RIF1: variants seen among roughly 807,000 people sequenced by gnomAD.
RIF1 encodes replication timing regulatory factor 1, also known as telomere-associated protein RIF1.
Under a neutral mutation model 247.1 loss-of-function variants are expected in RIF1, and 45 were observed. The observed-to-expected ratio is 0.18, with a 90% CI of 0.14 to 0.23. The LOEUF is 0.23. Ranked by LOEUF, RIF1 falls within the 10% of genes least tolerant of loss-of-function variation. RIF1 has a pLI of 1.00. For synonymous variants in RIF1, 1,087 were observed against 978.8 expected (o/e 1.11, Z -2.06); for missense variants, 2,967 against 2,862.5 (o/e 1.04, Z -0.83).
downstream of RIF1, among the ~76,000 whole-genome samples, chr2:151,509,620 T>TG (rs2072395144): frequency 6.6e-6 from 1 of 152,126 alleles, no homozygotes; most frequent in Non-Finnish European, 1.5e-5. Flanking sequence ...GAGGTTTTTT[T>TG]TTTGTTTGTT....
chr2:151,414,857 G>C lies in RIF1; in HGVS notation c.218G>C (p.Ser73Thr). 1 of 1,613,412 alleles carries C rather than the reference G, an allele frequency of 6.2e-7. No individual in the cohort carries two copies. The highest frequency in any genetic ancestry group is 8.5e-7 in the Non-Finnish European group (1 of 1,179,692). Residue 73 changes from serine to threonine, a missense_variant, in exon 4 of 36, where the codon AGT becomes ACT. Physicochemically the swap from Ser to Thr is moderately conservative, Grantham distance 58. This residue lies in a region of RIF1 where 269 missense variants were observed against 288.6 expected (regional missense o/e 0.93). Transcript: ENST00000444746. ...HISSQNSELS[S>T]AALQALGFCL... Reference sequence around the variant, plus strand: ...TCCAGTCAAAACTCGGAGCTGAGTAGTGCTGCTCTACAAGCCCTGGGGTTT... The same window carrying C: ...TCCAGTCAAAACTCGGAGCTGAGTACTGCTGCTCTACAAGCCCTGGGGTTT...
chr2:151,412,882 GTCA>G (rs890714250), intron 3 of RIF1, among the ~76,000 whole-genome samples: 4 of 152,076 alleles, frequency 2.6e-5, no homozygotes, highest in South Asian at 2.1e-4. Context: ...TGGTGTCACA[GTCA>G]TCAACATTTT....
At position 151,465,006 on chromosome 2, in the gene RIF1, C is replaced by G. The variant is rs1465990676; in HGVS notation, c.5486C>G (p.Ser1829Cys). Residue 1829 changes from serine (S) to cysteine (C), a missense_variant, in exon 30 of 36, where the codon TCT (serine) becomes TGT (cysteine). Transcript: ENST00000444746. Reference sequence around the variant, plus strand: ...AACACTATGCAAGAATCTCTTCCTTCTGGAATAGTAAACTTTAGAGAGGAA... The same window carrying G: ...AACACTATGCAAGAATCTCTTCCTTGTGGAATAGTAAACTTTAGAGAGGAA... ...KENTMQESLP[S>C]GIVNFREEIC... 1 of 1,577,412 alleles carries G rather than the reference C, an allele frequency of 6.3e-7. No homozygotes were observed. The highest frequency in any genetic ancestry group is 1.4e-5 in the African/African-American group (1 of 72,656).
At chr2:151,457,725 G>T in intron 23 of RIF1, 36 bp from the exon 24 acceptor site, 2 of 1,435,984 alleles carry the variant, frequency 1.4e-6, no homozygotes, top group Non-Finnish European at 2.0e-6. Context: ...TTAATATTTA[G>T]TATATGTTTT....
At chr2:151,497,855 A>AG in intron 10 of RIF1, 1 of 1,513,602 alleles carries the variant, frequency 6.6e-7, no homozygotes, top group Non-Finnish European at 8.8e-7. Context: ...CGACTACTTT[A>AG]GTGGAAGCTG....
In RIF1 at chr2:151,478,538, GAAGAT is replaced by G. The variant is rs1455015314; in HGVS notation, c.*3474_*3478del. ...GGATTTTTTTTTTTCTGTACAGCTT[GAAGAT>G]AAGATAGTTAAAGACTCTGTTACAA... On this transcript the variant is annotated 3_prime_UTR_variant, in exon 36 of 36. Coordinates refer to ENST00000444746, the MANE Select transcript of RIF1 (RefSeq NM_018151.5). 2 of 150,280 alleles carry G rather than the reference GAAGAT, an allele frequency of 1.3e-5. No individual in the cohort carries two copies. 9.3% of individuals were successfully genotyped at this position (150,280 alleles called of 1,614,324 possible). A position where few individuals can be genotyped will look rare whatever the true frequency, so the allele number is the denominator to read the frequency against.
chr2:151,484,742 AGCACCATTTG>A (rs914534230), downstream of RIF1, among the ~76,000 whole-genome samples: 6 of 152,354 alleles, frequency 3.9e-5, no homozygotes, highest in East Asian at 1.9e-4. Flanking sequence ...GCAGGAGAGT[AGCACCATTTG>A]GCACCATTTG....
chr2:151,516,658 T>G, the RIF1 span: 2 of 813,616 alleles, frequency 2.5e-6, no homozygotes, highest in Non-Finnish European at 4.1e-6. Flanking sequence ...GTTCTGTCAA[T>G]TGGATGGCAT....
intron 3 of RIF1, among the ~76,000 whole-genome samples, chr2:151,412,059 G>A (rs1342311440): frequency 1.3e-5 from 2 of 152,110 alleles, no homozygotes; most frequent in African/African-American, 4.8e-5. Context: ...AATCTAGGTA[G>A]CATTAATTTC....
intron 9 of RIF1, among the ~76,000 whole-genome samples, chr2:151,430,405 T>C (rs1462931360): frequency 1.3e-5 from 2 of 151,828 alleles, no homozygotes; most frequent in East Asian, 1.9e-4. Flanking sequence ...CACTGCAACC[T>C]CCGCCTCCCA....
chr2:151,441,889 CT>C lies in RIF1; in HGVS notation c.1648-12del, dbSNP rs1692355576. On this transcript the variant is annotated splice_polypyrimidine_tract_variant and intron_variant, in intron 15 of 35. Transcript: ENST00000444746. ...TTTTACGGCTAATTTACTGTAAAAC[CT>C]TTTATCTCTCATAGGTCCTCATGGA... 9 of 1,302,346 alleles carry C rather than the reference CT, an allele frequency of 6.9e-6. No homozygotes were observed. The highest frequency in any genetic ancestry group is 4.4e-6 in the Non-Finnish European group (4 of 918,810). The allele number at this position is 1,302,346 out of a possible 1,614,324, so 80.7% of individuals were successfully genotyped here.
In RIF1 at chr2:151,498,242, CCTTT is replaced by C. The variant is rs1367661109; in HGVS notation, c.*514-1097_*514-1094del. The C allele has an allele frequency of 3.9e-6, 6 of 1,550,588 alleles. No individual in the cohort carries two copies. Among genetic ancestry groups the C allele is most frequent in the Middle Eastern group, 1.7e-4 (1 of 6,002 alleles). ...TCTGAAGTTAAGTGGCATTTTTTCC[CCTTT>C]CTTTCCAAAATACCGAGCTAAGGTT... On this transcript the variant is annotated intron_variant and NMD_transcript_variant, in intron 10 of 13. Transcript: ENST00000454583.
rs2049013473 is a variant in RIF1, at chr2:151,478,037, T to C, written c.*2966T>C. 1 of 152,220 alleles carries C rather than the reference T, an allele frequency of 6.6e-6. No homozygotes were observed. Among genetic ancestry groups the C allele is most frequent in the Non-Finnish European group, 1.5e-5 (1 of 68,034 alleles). 9.4% of individuals were successfully genotyped at this position (152,220 alleles called of 1,614,324 possible). ...CATTTCCATATCTATGAAATCTATT[T>C]TGGATTTTAGAGTGGATTTAAATTT... is the stretch of plus-strand genomic sequence containing the variant. On this transcript the variant is annotated 3_prime_UTR_variant, in exon 36 of 36. Coordinates refer to ENST00000444746, the MANE Select transcript of RIF1 (RefSeq NM_018151.5).
At position 151,410,549 on chromosome 2, in the gene RIF1, A is replaced by G. The variant is rs201873236; in HGVS notation, c.104+22A>G. ...CCAGGTGAGGTCCGCCACGGGGCGT[A>G]GCGGAGAGTGGGGCGCTCTATAGTG... is the stretch of plus-strand genomic sequence containing the variant. On this transcript the variant is annotated intron_variant, in intron 2 of 35. Coordinates refer to ENST00000444746, the MANE Select transcript of RIF1 (RefSeq NM_018151.5). 2.0e-5 allele frequency: 32 copies of G among 1,587,250 alleles called. No individual in the cohort carries two copies. In the East Asian group the frequency reaches 6.9e-4, roughly 34 times the overall value.
At chr2:151,434,409 T>G (rs1429260789) in intron 10 of RIF1, among the ~76,000 whole-genome samples, 1 of 151,798 alleles carries the variant, frequency 6.6e-6, no homozygotes, top group Non-Finnish European at 1.5e-5. Context: ...TTGAGTTATT[T>G]GCAGTTATTT....
chr2:151,494,143 T>C, intron 9 of RIF1: 2 of 1,583,750 alleles, frequency 1.3e-6, no homozygotes, highest in Non-Finnish European at 1.7e-6. Context: ...AAAGCACTTT[T>C]GTTTCTCAAG....
intron 9 of RIF1, chr2:151,493,791 T>G: frequency 6.3e-7 from 1 of 1,579,964 alleles, no homozygotes. Context: ...AAAGTTTTCT[T>G]GATTGCGTTT....
At chr2:151,424,334 C>T (rs1688647664) in intron 8 of RIF1, among the ~76,000 whole-genome samples, 1 of 152,156 alleles carries the variant, frequency 6.6e-6, no homozygotes, top group Admixed American at 6.6e-5. Flanking sequence ...GATCTCCTGA[C>T]CTTGTTATCT....
At chr2:151,449,177 G>C (rs1337018708) in intron 20 of RIF1, among the ~76,000 whole-genome samples, 1 of 152,146 alleles carries the variant, frequency 6.6e-6, no homozygotes, top group Non-Finnish European at 1.5e-5. Flanking sequence ...CATAAAAGTT[G>C]TTGCTTACAT....
Sources: gnomAD v4.1 joint callset for allele counts (sites outside exome capture counted in the v4.1 genomes callset) on GRCh38, gnomAD v4.1.1 for gene constraint, gnomAD v4.1.1 regional missense constraint, MANE v1.5 for transcripts, NCBI Gene and HGNC (gene_info 2026-07-23, HGNC 2026-07-21) for gene names.